Variants in THOC1 observed in about 807,000 individuals in gnomAD.
THOC1 encodes THO complex 1.
THOC1 carries 29 observed loss-of-function variants against 97.3 expected under a neutral mutation model. The observed-to-expected ratio is 0.30, with a 90% confidence interval of 0.22 to 0.41. THOC1 has a LOEUF of 0.41. Ranked by LOEUF, THOC1 falls within the 10% of genes least tolerant of loss-of-function variation. The pLI is 1.00. For synonymous variants in THOC1, 255 were observed against 257.0 expected (o/e 0.99, Z 0.07); for missense variants, 529 against 761.9 (o/e 0.69, Z 3.60).
At chr18:263,749 C>T (rs992653618) in intron 4 of THOC1, 32 of 316,144 alleles carry the variant, frequency 1.0e-4, no homozygotes, top group African/African-American at 6.7e-4. Context: ...CAGGTCCTAG[C>T]TCAGTACCAG....
In THOC1 at chr18:223,432, C is replaced by A; in HGVS notation, c.1370+8G>T. The A allele has an allele frequency of 6.4e-7, 1 of 1,552,314 alleles. No individual in the cohort carries two copies. The stretch of plus-strand genomic sequence containing the variant: ...AGCAACACTTCATTTGAAAAATGTT[C>A]AACTTGCCTTGTCTCTGATTTACAG... On this transcript the variant is annotated splice_region_variant and intron_variant, in intron 17 of 20. Coordinates refer to ENST00000261600, the MANE Select transcript of THOC1 (RefSeq NM_005131.3).
intron 8 of THOC1, among the ~76,000 whole-genome samples, chr18:253,902 ATTTT>A (rs35294329): frequency 1.3e-4 from 18 of 133,966 alleles, no homozygotes; most frequent in Non-Finnish European, 2.0e-4. Flanking sequence ...TTTACATGAA[ATTTT>A]TTTTTTTTTT....
chr18:236,846 G>A (rs1911720045), intron 11 of THOC1, among the ~76,000 whole-genome samples: 1 of 152,056 alleles, frequency 6.6e-6, no homozygotes, highest in Admixed American at 6.6e-5. Flanking sequence ...TTAACCTTGA[G>A]TTAGTTCAGA....
At chr18:237,121 G>T (rs1043968768) in intron 11 of THOC1, among the ~76,000 whole-genome samples, 1 of 150,340 alleles carries the variant, frequency 6.7e-6, no homozygotes, top group Middle Eastern at 3.5e-3. Context: ...TGGCTTGAGA[G>T]ATTTCTAGAA....
chr18:237,529 T>C (rs112983067), intron 11 of THOC1, among the ~76,000 whole-genome samples: 74 of 152,234 alleles, frequency 4.9e-4, no homozygotes, highest in African/African-American at 1.7e-3. Flanking sequence ...GACGAGCTGT[T>C]AAAATCTGCC....
At chr18:266,829 G>C (rs1567859764) in intron 1 of THOC1, among the ~76,000 whole-genome samples, 1 of 152,072 alleles carries the variant, frequency 6.6e-6, no homozygotes, top group Non-Finnish European at 1.5e-5. Context: ...GAGCCACTGC[G>C]CCCGGCCGCC....
intron 7 of THOC1, among the ~76,000 whole-genome samples, chr18:258,363 A>C (rs1912500295): frequency 6.6e-6 from 1 of 152,166 alleles, no homozygotes; most frequent in South Asian, 2.1e-4. Context: ...TGCACTGAAG[A>C]AAAGTCTAAA....
chr18:263,768 T>C (rs1466420777), intron 4 of THOC1: 1 of 382,882 alleles, frequency 2.6e-6, no homozygotes, highest in South Asian at 3.8e-5. Flanking sequence ...AGGCACATAG[T>C]AGATGCTCAA....
rs111488741 is a variant in THOC1 at position 214,930 on chromosome 18, T to C, written c.1679-9A>G. On this transcript the variant is annotated splice_polypyrimidine_tract_variant and intron_variant, in intron 20 of 20. Coordinates refer to ENST00000261600, the MANE Select transcript of THOC1 (RefSeq NM_005131.3). ...TCGCCGAACATCAGGACCTAGAAAA[T>C]GAAGAGAATATAAATTATGCGCAAT... 10,676 of 1,612,626 alleles carry C rather than the reference T, an allele frequency of 6.6e-3. 486 individuals carry two copies. In the African/African-American group the frequency reaches 0.11, roughly 16 times the overall value.
chr18:260,089 G>C (rs1912556263), intron 5 of THOC1, 97 bp downstream of exon 5: 1 of 743,112 alleles, frequency 1.3e-6, no homozygotes. Context: ...TTGGCATTCA[G>C]CAATACTACA....
chr18:259,120 T>A (rs1912524600), intron 7 of THOC1, 60 bp downstream of exon 7: 2 of 1,242,674 alleles, frequency 1.6e-6, no homozygotes, highest in Non-Finnish European at 2.3e-6. Flanking sequence ...CAGATTTTAA[T>A]CTATTAAAAA....
chr18:260,030 T>C, intron 5 of THOC1, 156 bp downstream of exon 5: 1 of 538,368 alleles, frequency 1.9e-6, no homozygotes. Flanking sequence ...GGTTTTTATT[T>C]GGCTCTCCCG....
intron 7 of THOC1, among the ~76,000 whole-genome samples, chr18:256,736 G>A (rs569869630): frequency 2.6e-5 from 4 of 151,994 alleles, no homozygotes; most frequent in African/African-American, 4.8e-5. Flanking sequence ...ATAAAGTAGC[G>A]GCAGGGTTTG....
intron 17 of THOC1, 94 bp downstream of exon 17, chr18:223,346 A>T: frequency 2.0e-6 from 2 of 1,008,444 alleles, no homozygotes; most frequent in Non-Finnish European, 2.8e-6. Context: ...AAACTTTTAA[A>T]TTTCATTTGA....
chr18:247,827 T>TA, intron 10 of THOC1, 22 bp downstream of exon 10: 2 of 1,420,526 alleles, frequency 1.4e-6, no homozygotes, highest in Non-Finnish European at 9.9e-7. Context: ...GGGCTTCTGA[T>TA]AGTCTGTCAA....
chr18:259,538 A>C, intron 6 of THOC1, 144 bp downstream of exon 6: 1 of 725,200 alleles, frequency 1.4e-6, no homozygotes, highest in Non-Finnish European at 2.3e-6. Flanking sequence ...GTGAATAATG[A>C]GTTCTAACAA....
intron 4 of THOC1, chr18:260,861 G>A (rs1387772491): frequency 6.6e-6 from 1 of 151,930 alleles, no homozygotes; most frequent in Non-Finnish European, 1.5e-5. Flanking sequence ...AAAAAAGGCA[G>A]GATTCAAAAT....
intron 15 of THOC1, 33 bp from the exon 16 acceptor site, chr18:224,212 A>AT (rs761509533): frequency 1.4e-6 from 2 of 1,384,908 alleles, no homozygotes; most frequent in South Asian, 2.5e-5. Flanking sequence ...TATTTTTTGA[A>AT]TTACAAATGG....
intron 8 of THOC1, among the ~76,000 whole-genome samples, chr18:252,948 C>T (rs776221428): frequency 3.9e-5 from 6 of 152,152 alleles, no homozygotes; most frequent in South Asian, 2.1e-4. Flanking sequence ...ATAAAATGAG[C>T]AAACAGCATG....
Sources: allele counts gnomAD v4.1 joint callset (sites outside exome capture counted in the v4.1 genomes callset), GRCh38; gene constraint gnomAD v4.1.1; transcripts MANE v1.5; gene names NCBI Gene and HGNC (gene_info 2026-07-23, HGNC 2026-07-21).